The following ATP11A variants were observed in gnomAD, a reference collection of about 807,000 sequenced individuals.
ATP11A encodes the protein phospholipid-transporting ATPase IH.
Under a neutral mutation model 154.4 loss-of-function variants are expected in ATP11A, and 81 were observed. That is an observed-to-expected ratio of 0.52 (90% CI 0.44 to 0.63). The LOEUF is 0.63. ATP11A is among the 30% of genes least tolerant of loss of function. The pLI, the probability that ATP11A is intolerant of heterozygous loss-of-function variation, is 0.00. For synonymous variants in ATP11A, 623 were observed against 585.9 expected (o/e 1.06, Z -0.91); for missense variants, 1,316 against 1,474.3 (o/e 0.89, Z 1.76).
At chr13:112,830,362 G>A (rs1043767712) in intron 12 of ATP11A, among the ~76,000 whole-genome samples, 2 of 152,098 alleles carry the variant, frequency 1.3e-5, no homozygotes, top group Non-Finnish European at 2.9e-5. Flanking sequence ...ATCGCCTGAG[G>A]TCAGGATTTC....
chr13:112,878,489 G>A (rs2080796291), intron 29 of ATP11A, 186 bp downstream of exon 29: 1 of 626,658 alleles, frequency 1.6e-6, no homozygotes, highest in African/African-American at 1.8e-5. Context: ...ATCATGGGCT[G>A]TGCTTTCCAT....
chr13:112,813,414 C>T (rs190292831), intron 5 of ATP11A, among the ~76,000 whole-genome samples: 57 of 152,252 alleles, frequency 3.7e-4, no homozygotes, highest in African/African-American at 1.3e-3. Context: ...CTAATTCCCT[C>T]GGGATTCACG....
intron 1 of ATP11A, among the ~76,000 whole-genome samples, chr13:112,737,628 C>T (rs768015905): frequency 2.6e-5 from 4 of 152,150 alleles, no homozygotes; most frequent in African/African-American, 4.8e-5. Flanking sequence ...GGGAGGTCAC[C>T]GAGGGCCTCG....
intron 1 of ATP11A, among the ~76,000 whole-genome samples, chr13:112,712,495 C>G (rs568943941): frequency 3.3e-5 from 5 of 152,108 alleles, no homozygotes; most frequent in East Asian, 1.9e-4. Flanking sequence ...GGTGGGGGAT[C>G]GTGAGGTGAG....
chr13:112,835,428 C>T (rs2079205403), intron 15 of ATP11A, among the ~76,000 whole-genome samples: 2 of 152,260 alleles, frequency 1.3e-5, no homozygotes, highest in Admixed American at 1.3e-4. Context: ...TTCGGCGGGG[C>T]TCCTGGGCCC....
chr13:112,857,962 T>C (rs2140348827), intron 21 of ATP11A, 42 bp downstream of exon 21: 1 of 1,603,414 alleles, frequency 6.2e-7, no homozygotes, highest in Non-Finnish European at 8.5e-7. Flanking sequence ...GGTGGCCAGG[T>C]CACCCCTTCG....
chr13:112,767,765 C>CTCAGAGCTCTAGTCTAGGACT (rs1231380845), intron 1 of ATP11A, among the ~76,000 whole-genome samples: 3 of 152,154 alleles, frequency 2.0e-5, no homozygotes, highest in African/African-American at 7.2e-5. Flanking sequence ...TCTGAAGTCT[C>CTCAGAGCTCTAGTCTAGGACT]TCAGAGCTCT....
At chr13:112,823,929 C>T (rs1336094741) in intron 9 of ATP11A, among the ~76,000 whole-genome samples, 1 of 152,214 alleles carries the variant, frequency 6.6e-6, no homozygotes, top group African/African-American at 2.4e-5. Flanking sequence ...CCCTGTAGTT[C>T]ACATCATCTT....
chr13:112,731,769 C>A (rs1043536386), intron 1 of ATP11A, among the ~76,000 whole-genome samples: 1 of 152,170 alleles, frequency 6.6e-6, no homozygotes, highest in African/African-American at 2.4e-5. Flanking sequence ...ATGCTACGAA[C>A]ATATCACATC....
intron 13 of ATP11A, among the ~76,000 whole-genome samples, chr13:112,832,083 G>C (rs980059369): frequency 6.7e-6 from 1 of 150,256 alleles, no homozygotes; most frequent in African/African-American, 2.5e-5. Flanking sequence ...AGACACACAC[G>C]TACTCTCACA....
chr13:112,851,766 T>A (rs1427781211), intron 18 of ATP11A: 1 of 152,288 alleles, frequency 6.6e-6, no homozygotes, highest in Non-Finnish European at 1.5e-5. Context: ...CAAGCAATCC[T>A]CCCACCTCAG....
intron 1 of ATP11A, among the ~76,000 whole-genome samples, chr13:112,693,430 G>A (rs1474833378): frequency 6.6e-6 from 1 of 151,034 alleles, no homozygotes; most frequent in Non-Finnish European, 1.5e-5. Flanking sequence ...GTGAGGTGGT[G>A]TATGCTCTCT....
chr13:112,764,763 C>T (rs752178092), intron 1 of ATP11A, among the ~76,000 whole-genome samples: 5 of 152,216 alleles, frequency 3.3e-5, no homozygotes, highest in African/African-American at 9.6e-5. Flanking sequence ...CAGAGTCCTG[C>T]GTTCACACTG....
chr13:112,698,336 G>A lies in ATP11A; in HGVS notation c.39+7881G>A, dbSNP rs148255211. Among the ~76,000 whole-genome samples, 218 of 152,304 alleles carry A rather than the reference G, an allele frequency of 1.4e-3. 1 individual carries two copies. Among genetic ancestry groups the A allele is most frequent in the African/African-American group, 5.0e-3 (207 of 41,568 alleles). On this transcript the variant is annotated intron_variant, in intron 1 of 29. Coordinates refer to ENST00000375645, the MANE Select transcript of ATP11A (RefSeq NM_015205.3). ...CCACCCGGTCCCAAGGAGGACACAGGCTTTTCTGGTTTGGTTGAGACTTGC... is the reference window on the plus strand; with the variant it reads ...CCACCCGGTCCCAAGGAGGACACAGACTTTTCTGGTTTGGTTGAGACTTGC...
intron 1 of ATP11A, among the ~76,000 whole-genome samples, chr13:112,728,511 TATCCACGCGTGGAGGGGGCCGTG>T (rs1890133038): frequency 2.0e-5 from 3 of 149,468 alleles, no homozygotes; most frequent in African/African-American, 7.5e-5. Flanking sequence ...GCGTTATCAG[TATCCACGCGTGGAGGGGGCCGTG>T]AGACTGTGTG....
At chr13:112,760,206 C>G (rs1002540616) in intron 1 of ATP11A, among the ~76,000 whole-genome samples, 2 of 152,352 alleles carry the variant, frequency 1.3e-5, no homozygotes, top group Non-Finnish European at 2.9e-5. Flanking sequence ...AGTAATTTCT[C>G]TTGTTTTTCT....
chr13:112,749,025 G>A lies in ATP11A; in HGVS notation c.40-36110G>A, dbSNP rs564713302. Among the ~76,000 whole-genome samples the A allele has an allele frequency of 3.9e-5, 6 of 152,344 alleles. No individual in the cohort carries two copies. In the East Asian group the frequency reaches 5.8e-4, roughly 15 times the overall value. On this transcript the variant is annotated intron_variant, in intron 1 of 29. Transcript: ENST00000375645. The stretch of plus-strand genomic sequence containing the variant: ...GCACTGGGTCACGGGTGGGCTGGGC[G>A]TCAGGGTGCCCACAGCTGGAGTGAC...
Position 112,818,176 on chromosome 13 carries a change from G to A in ATP11A, c.571-1128G>A, listed in dbSNP as rs1037210626. On this transcript the variant is annotated intron_variant, in intron 6 of 29. Coordinates refer to ENST00000375645, the MANE Select transcript of ATP11A (RefSeq NM_015205.3). ...CCGTGTGTGCGCTTGGTGACAGGGCGGTGACCGTCGGTGCGCTTGGTGACG... is the reference window on the plus strand; with the variant it reads ...CCGTGTGTGCGCTTGGTGACAGGGCAGTGACCGTCGGTGCGCTTGGTGACG... Among the ~76,000 whole-genome samples the A allele has an allele frequency of 9.3e-5, 14 of 151,094 alleles. No homozygotes were observed. The Middle Eastern group carries it at 0.01, about 112-fold the overall frequency.
At chr13:112,811,869 G>A (rs1250082116) in intron 5 of ATP11A, 1 of 152,224 alleles carries the variant, frequency 6.6e-6, no homozygotes, top group Non-Finnish European at 1.5e-5. Flanking sequence ...GCCTCCCAAA[G>A]TGCTGGAATT....
Sources: allele counts gnomAD v4.1 joint callset (sites outside exome capture counted in the v4.1 genomes callset), GRCh38; gene constraint gnomAD v4.1.1; transcripts MANE v1.5; gene names NCBI Gene and HGNC (gene_info 2026-07-23, HGNC 2026-07-21).